Variants in SEC63 observed in about 807,000 individuals in gnomAD.
SEC63 encodes translocation protein SEC63 homolog.
SEC63 carries 56 observed loss-of-function variants against 116.2 expected under a neutral mutation model. The ratio of observed to expected loss-of-function variants is 0.48; its 90% CI spans 0.39 to 0.60. The LOEUF is 0.60. Ranked by LOEUF, SEC63 falls within the 20% of genes least tolerant of loss-of-function variation. The probability of loss-of-function intolerance (pLI) is 0.00; values close to 1 mark genes in which losing one functional copy is unlikely to be tolerated. For synonymous variants in SEC63, 273 were observed against 294.6 expected, an observed-to-expected ratio of 0.93 and a Z score of 0.75; for missense variants, 668 against 900.0, an observed-to-expected ratio of 0.74 and a Z score of 3.30.
chr6:107,906,595 A>G lies in SEC63; in HGVS notation c.829-15T>C, dbSNP rs1583745916. ...TCTCTGATTAGCTAGAATAAATAAA[A>G]TAATTATTCAAAAACACGCTTTTTT... On this transcript the variant is annotated splice_polypyrimidine_tract_variant and intron_variant, in intron 9 of 20. Transcript: ENST00000369002. The G allele has an allele frequency of 1.9e-6, 3 of 1,609,530 alleles. No homozygotes were observed. The highest frequency in any genetic ancestry group is 2.6e-6 in the Non-Finnish European group (3 of 1,176,034).
At position 107,880,977 on chromosome 6, in the gene SEC63, A is replaced by G. The variant is rs1583724124; in HGVS notation, c.1935+172T>C. On this transcript the variant is annotated intron_variant, in intron 18 of 20. Transcript: ENST00000369002. ...AATCTCTTTTATAAGCAACACGTTCACTAAGTATAATACCTATTGTAATAT... is the reference window on the plus strand; with the variant it reads ...AATCTCTTTTATAAGCAACACGTTCGCTAAGTATAATACCTATTGTAATAT... 5.2e-6 allele frequency: 3 copies of G among 574,832 alleles called. No homozygotes were observed. In the East Asian group the frequency reaches 8.9e-5, roughly 17 times the overall value. The allele number at this position is 574,832 out of a possible 1,614,324, so 35.6% of individuals were successfully genotyped here. A position where few individuals can be genotyped will look rare whatever the true frequency, so the allele number is the denominator to read the frequency against.
chr6:107,942,045 C>T (rs1384503693), intron 1 of SEC63, among the ~76,000 whole-genome samples: 2 of 152,192 alleles, frequency 1.3e-5, no homozygotes, highest in Non-Finnish European at 2.9e-5. Flanking sequence ...TTATAAACAT[C>T]ACTTAATGAC....
At chr6:107,897,875 T>C in intron 13 of SEC63, 144 bp from the exon 14 acceptor site, 2 of 670,694 alleles carry the variant, frequency 3.0e-6, no homozygotes, top group South Asian at 1.7e-5. Context: ...AAAAAATAAC[T>C]GATTGACTAC....
Position 107,958,179 on chromosome 6 carries a change from TGCCGCC to T in SEC63, c.-176_-171del. 9.8e-7 allele frequency: 1 copy of T among 1,016,084 alleles called. No homozygotes were observed. Among genetic ancestry groups the T allele is most frequent in the Non-Finnish European group, 1.4e-6 (1 of 690,308 alleles). 62.9% of individuals were successfully genotyped at this position (1,016,084 alleles called of 1,614,324 possible). ...GACACGCCGCCGCCACCTCTGCCGC[TGCCGCC>T]GCCGTCGCCAGCTCTCGCGAGAGGA... On this transcript the variant is annotated 5_prime_UTR_variant, in exon 1 of 21. Transcript: ENST00000369002.
At chr6:107,930,890 G>A (rs1787791195) in intron 1 of SEC63, among the ~76,000 whole-genome samples, 1 of 152,032 alleles carries the variant, frequency 6.6e-6, no homozygotes, top group African/African-American at 2.4e-5. Flanking sequence ...AGCTACTCAG[G>A]AGGCTGAGGC....
At chr6:107,925,565 T>C (rs1233720005) in intron 2 of SEC63, among the ~76,000 whole-genome samples, 3 of 152,216 alleles carry the variant, frequency 2.0e-5, no homozygotes, top group Non-Finnish European at 4.4e-5. Context: ...GAAAATAAAC[T>C]AATTTCTGCT....
chr6:107,955,916 A>G (rs1770701677), intron 1 of SEC63: 2 of 285,816 alleles, frequency 7.0e-6, no homozygotes, highest in Non-Finnish European at 1.4e-5. Flanking sequence ...ATAAATAAAT[A>G]GTATGATTCT....
At chr6:107,880,142 G>T (rs997910868) in intron 18 of SEC63, among the ~76,000 whole-genome samples, 1 of 152,216 alleles carries the variant, frequency 6.6e-6, no homozygotes, top group Non-Finnish European at 1.5e-5. Flanking sequence ...AGATCAGCAC[G>T]TGCATTAAGA....
In SEC63 at chr6:107,869,395, AT is replaced by A. The variant is rs1786072843; in HGVS notation, c.*2308del. 6.6e-6 allele frequency: 1 copy of A among 152,286 alleles called. No homozygotes were observed. The highest frequency in any genetic ancestry group is 2.1e-4 in the South Asian group (1 of 4,824). 9.4% of individuals were successfully genotyped at this position (152,286 alleles called of 1,614,324 possible). A position where few individuals can be genotyped will look rare whatever the true frequency, so the allele number is the denominator to read the frequency against. ...TAGGTACTTTACCAATTAGAGAAAA[AT>A]ATCACATAATTTAACTGTTTCAATT... is the stretch of plus-strand genomic sequence containing the variant. On this transcript the variant is annotated 3_prime_UTR_variant, in exon 21 of 21. Transcript: ENST00000369002.
At chr6:107,920,086 A>G (rs1288520827) in intron 4 of SEC63, among the ~76,000 whole-genome samples, 1 of 152,162 alleles carries the variant, frequency 6.6e-6, no homozygotes, top group Non-Finnish European at 1.5e-5. Context: ...AGCATTTTTT[A>G]GCCATACAGT....
At chr6:107,893,817 T>C (rs1209632479) in intron 15 of SEC63, 21 bp downstream of exon 15, 1 of 1,613,750 alleles carries the variant, frequency 6.2e-7, no homozygotes, top group African/African-American at 1.3e-5. Context: ...GAAAAATAGG[T>C]TCGGAAACCC....
At position 107,872,814 on chromosome 6, in the gene SEC63, T is replaced by C. The variant is rs769171610; in HGVS notation, c.2133A>G (p.Pro711=). The change falls in exon 20 of 21, where the codon CCA becomes CCG. Residue 711 remains proline (P), a synonymous_variant. Transcript: ENST00000369002. ...DSYMGLDQIK[P]LKLEVHEAKP... ...GAAGAGTCACTATTCTTACCTTCAA[T>C]GGTTTAATCTGATCCAAACCCATAT... 11 of 1,522,588 alleles carry C rather than the reference T, an allele frequency of 7.2e-6. No individual in the cohort carries two copies. The highest frequency in any genetic ancestry group is 9.9e-6 in the Non-Finnish European group (11 of 1,111,420). The allele number at this position is 1,522,588 out of a possible 1,614,324, so 94.3% of individuals were successfully genotyped here.
At chr6:107,889,478 C>T (rs1008836060) in intron 16 of SEC63, among the ~76,000 whole-genome samples, 1 of 152,022 alleles carries the variant, frequency 6.6e-6, no homozygotes, top group Non-Finnish European at 1.5e-5. Flanking sequence ...TGATTCTTCT[C>T]TCTTTTATTC....
chr6:107,908,832 G>A (rs189566107), intron 8 of SEC63, 95 bp downstream of exon 8: 1 of 705,628 alleles, frequency 1.4e-6, no homozygotes, highest in Admixed American at 2.3e-5. Flanking sequence ...CTGTACAATA[G>A]AATCTCAACA....
chr6:107,946,205 G>A (rs1260498988), intron 1 of SEC63, among the ~76,000 whole-genome samples: 1 of 150,736 alleles, frequency 6.6e-6, no homozygotes, highest in African/African-American at 2.4e-5. Flanking sequence ...AAAGTGCTGG[G>A]ATTACAGGCA....
chr6:107,932,839 A>G (rs1787843309), intron 1 of SEC63, among the ~76,000 whole-genome samples: 1 of 152,182 alleles, frequency 6.6e-6, no homozygotes, highest in South Asian at 2.1e-4. Flanking sequence ...CACTAACAGG[A>G]ACCAGGAATC....
chr6:107,953,550 G>C (rs1422816439), intron 1 of SEC63, among the ~76,000 whole-genome samples: 1 of 136,176 alleles, frequency 7.3e-6, no homozygotes, highest in Non-Finnish European at 1.6e-5. Context: ...CCGGCCAGCC[G>C]CCCCGTCCGG....
chr6:107,888,183 G>C (rs1786582668), intron 16 of SEC63, among the ~76,000 whole-genome samples: 1 of 152,134 alleles, frequency 6.6e-6, no homozygotes, highest in Non-Finnish European at 1.5e-5. Context: ...TTACTTTGGG[G>C]AGTGTGGCCA....
chr6:107,895,321 A>T (rs1446174689), intron 14 of SEC63, among the ~76,000 whole-genome samples: 3 of 152,210 alleles, frequency 2.0e-5, no homozygotes, highest in Non-Finnish European at 4.4e-5. Context: ...TTCTCCCAGG[A>T]GGCAGCTCTC....
Sources: gnomAD v4.1 joint callset for allele counts (sites outside exome capture counted in the v4.1 genomes callset) on GRCh38, gnomAD v4.1.1 for gene constraint, MANE v1.5 for transcripts, NCBI Gene and HGNC (gene_info 2026-07-23, HGNC 2026-07-21) for gene names.